Variants in LIMCH1 observed in about 807,000 individuals in gnomAD.
LIMCH1 encodes the protein LIM and calponin homology domains 1.
Under a neutral mutation model 176.5 loss-of-function variants are expected in LIMCH1, and 113 were observed. The ratio of observed to expected loss-of-function variants is 0.64; its 90% CI spans 0.55 to 0.75. The LOEUF (loss-of-function observed/expected upper bound fraction) is 0.75, where lower values mean the gene tolerates loss of function less well. Ranked by LOEUF, LIMCH1 falls within the 30% of genes least tolerant of loss-of-function variation. LIMCH1 has a pLI of 0.00. For synonymous variants in LIMCH1, 619 were observed against 645.9 expected (o/e 0.96, Z 0.63); for missense variants, 1,674 against 1,814.9 (o/e 0.92, Z 1.41).
At position 41,419,972 on chromosome 4, in the gene LIMCH1, A is replaced by G. The variant is rs367851268; in HGVS notation, c.96+59036A>G. On this transcript the variant is annotated intron_variant, in intron 1 of 26. Transcript: ENST00000313860. The stretch of plus-strand genomic sequence containing the variant: ...CAGATAAACAGATAATACATACTAA[A>G]TAAGAACTTCAGAAATATTAAGTGC... Among the ~76,000 whole-genome samples, 6 of 152,264 alleles carry G rather than the reference A, an allele frequency of 3.9e-5. No homozygotes were observed. The South Asian group carries it at 1.2e-3, about 32-fold the overall frequency.
chr4:41,670,800 G>T, intron 21 of LIMCH1: 1 of 1,535,712 alleles, frequency 6.5e-7, no homozygotes, highest in Non-Finnish European at 8.7e-7. Flanking sequence ...CAGGTAAACT[G>T]CATACTGGGT....
chr4:41,568,152 C>T (rs772057965), intron 1 of LIMCH1, among the ~76,000 whole-genome samples: 5 of 151,574 alleles, frequency 3.3e-5, no homozygotes, highest in Non-Finnish European at 7.4e-5. Flanking sequence ...GACTCCTTCT[C>T]AAAAAAGAAA....
At chr4:41,431,252 C>T (rs2154136289) in intron 1 of LIMCH1, among the ~76,000 whole-genome samples, 1 of 151,962 alleles carries the variant, frequency 6.6e-6, no homozygotes, top group African/African-American at 2.4e-5. Context: ...AGACATACCA[C>T]CTCCCCCTGC....
chr4:41,563,920 G>T (rs1027333750), intron 1 of LIMCH1, among the ~76,000 whole-genome samples: 1 of 152,174 alleles, frequency 6.6e-6, no homozygotes, highest in Admixed American at 6.5e-5. Flanking sequence ...TAAGTCAGGA[G>T]TGTTGGACTT....
intron 1 of LIMCH1, among the ~76,000 whole-genome samples, chr4:41,393,463 C>A (rs2057474211): frequency 6.6e-6 from 1 of 152,160 alleles, no homozygotes; most frequent in Non-Finnish European, 1.5e-5. Context: ...TAAAGAATTC[C>A]TTTATTATGG....
At chr4:41,540,256 T>C (rs2078449567) in intron 1 of LIMCH1, among the ~76,000 whole-genome samples, 1 of 151,894 alleles carries the variant, frequency 6.6e-6, no homozygotes, top group Non-Finnish European at 1.5e-5. Context: ...GTTCAAGATA[T>C]GAAGAAGAAG....
intron 1 of LIMCH1, among the ~76,000 whole-genome samples, chr4:41,486,404 A>G (rs2069543478): frequency 6.6e-6 from 1 of 152,178 alleles, no homozygotes; most frequent in African/African-American, 2.4e-5. Flanking sequence ...TGTACCCTGC[A>G]AATGGACTGT....
intron 1 of LIMCH1, among the ~76,000 whole-genome samples, chr4:41,578,206 G>A (rs958500610): frequency 4.6e-5 from 7 of 152,308 alleles, no homozygotes; most frequent in South Asian, 4.1e-4. Context: ...CAATCATGGC[G>A]TAGAATGAAG....
intron 1 of LIMCH1, among the ~76,000 whole-genome samples, chr4:41,420,235 T>G (rs2060495876): frequency 6.6e-6 from 1 of 152,114 alleles, no homozygotes; most frequent in Non-Finnish European, 1.5e-5. Context: ...CACAGGATGA[T>G]TGGGATTAAC....
chr4:41,645,022 G>A (rs1480627159), intron 15 of LIMCH1, among the ~76,000 whole-genome samples: 1 of 152,208 alleles, frequency 6.6e-6, no homozygotes, highest in Non-Finnish European at 1.5e-5. Context: ...TAAGTACTTT[G>A]CATGCATTCA....
intron 1 of LIMCH1, among the ~76,000 whole-genome samples, chr4:41,484,186 G>A (rs2069126135): frequency 6.6e-6 from 1 of 152,164 alleles, no homozygotes; most frequent in African/African-American, 2.4e-5. Flanking sequence ...CCATGCTCTT[G>A]TAACTCTCTT....
chr4:41,539,846 A>G (rs1430428021), intron 1 of LIMCH1, among the ~76,000 whole-genome samples: 1 of 152,260 alleles, frequency 6.6e-6, no homozygotes, highest in Non-Finnish European at 1.5e-5. Flanking sequence ...ACAAATGGCA[A>G]TTAGGAAAGC....
At chr4:41,666,465 C>A in intron 20 of LIMCH1, 96 bp from the exon 21 acceptor site, 2 of 743,718 alleles carry the variant, frequency 2.7e-6, no homozygotes, top group Admixed American at 4.9e-5. Context: ...AACTGAATGA[C>A]TTCTATAACA....
At chr4:41,483,543 G>A (rs910917357) in intron 1 of LIMCH1, among the ~76,000 whole-genome samples, 1 of 152,116 alleles carries the variant, frequency 6.6e-6, no homozygotes, top group African/African-American at 2.4e-5. Flanking sequence ...TGTCTCTTTT[G>A]TTCTGGGTTC....
intron 1 of LIMCH1, among the ~76,000 whole-genome samples, chr4:41,465,052 C>G (rs994103666): frequency 1.3e-5 from 2 of 152,192 alleles, no homozygotes; most frequent in Non-Finnish European, 2.9e-5. Context: ...ATGTTTTAAA[C>G]ATCAAACTTG....
chr4:41,538,469 G>A, intron 1 of LIMCH1, 119 bp downstream of exon 1: 2 of 414,954 alleles, frequency 4.8e-6, no homozygotes, highest in Non-Finnish European at 6.5e-6. Context: ...TCACTTATTA[G>A]TATGGCGAAA....
chr4:41,561,741 C>T (rs2082090346), intron 1 of LIMCH1, among the ~76,000 whole-genome samples: 1 of 152,068 alleles, frequency 6.6e-6, no homozygotes, highest in African/African-American at 2.4e-5. Flanking sequence ...GAACTAAATT[C>T]CTACTGGGAA....
chr4:41,613,796 C>A, intron 5 of LIMCH1, 135 bp downstream of exon 5: 1 of 734,446 alleles, frequency 1.4e-6, no homozygotes, highest in Non-Finnish European at 2.2e-6. Flanking sequence ...ATTCTATAAA[C>A]TGGCAGAAAA....
At chr4:41,371,177 C>T (rs772625649) in intron 1 of LIMCH1, among the ~76,000 whole-genome samples, 62 of 152,250 alleles carry the variant, frequency 4.1e-4, no homozygotes, top group Admixed American at 1.6e-3. Flanking sequence ...GGTGACCTGC[C>T]TCTCTCCTTC....
Sources: gnomAD v4.1 joint callset for allele counts (sites outside exome capture counted in the v4.1 genomes callset) on GRCh38, gnomAD v4.1.1 for gene constraint, MANE v1.5 for transcripts, NCBI Gene and HGNC (gene_info 2026-07-23, HGNC 2026-07-21) for gene names.